IGSF10: variants seen among roughly 807,000 people sequenced by gnomAD.
The protein encoded by IGSF10 is calvaria mechanical force protein 608.
IGSF10 carries 126 observed loss-of-function variants against 128.2 expected under a neutral mutation model. The ratio of observed to expected loss-of-function variants is 0.98; its 90% CI spans 0.85 to 1.14. IGSF10 has a LOEUF of 1.14. Among genes scored for constraint, IGSF10 ranks in the 50% most tolerant of loss-of-function variants. IGSF10 has a pLI of 0.00. For synonymous variants in IGSF10, 1,185 were observed against 1,146.2 expected (o/e 1.03, Z -0.68); for missense variants, 3,295 against 3,149.8 (o/e 1.05, Z -1.10).
At position 151,446,663 on chromosome 3, in the gene IGSF10, G is replaced by A. The variant is rs760102847; in HGVS notation, c.3318C>T (p.Val1106=). The A allele has an allele frequency of 6.2e-7, 1 of 1,613,926 alleles. No homozygotes were observed. Among genetic ancestry groups the A allele is most frequent in the Non-Finnish European group, 8.5e-7 (1 of 1,179,884 alleles). ...TCTCAAGTAGTAATAGTGGATTCTGGACTAGAGTTGTAGACTCTTCTGATG... is the reference window on the plus strand; with the variant it reads ...TCTCAAGTAGTAATAGTGGATTCTGAACTAGAGTTGTAGACTCTTCTGATG... ...RVPSEESTTL[V]QNPLLLLENK... Residue 1106 remains valine (V), a synonymous_variant, in exon 6 of 8, where the codon GTC becomes GTT. Coordinates refer to ENST00000282466, the MANE Select transcript of IGSF10 (RefSeq NM_178822.5).
chr3:151,507,110 C>T, the IGSF10 span, among the ~76,000 whole-genome samples: 1 of 152,170 alleles, frequency 6.6e-6, no homozygotes, highest in East Asian at 1.9e-4. Context: ...TTCTTAGTGC[C>T]TAGACCAGCA....
the IGSF10 span, among the ~76,000 whole-genome samples, chr3:151,501,941 T>C: frequency 6.6e-6 from 1 of 152,126 alleles, no homozygotes; most frequent in Non-Finnish European, 1.5e-5. Context: ...TGTTTCTGTT[T>C]ATTTCTTCTC....
intron 7 of IGSF10, chr3:151,440,748 T>A (rs947805564): frequency 2.1e-4 from 92 of 434,872 alleles, no homozygotes; most frequent in African/African-American, 1.6e-3. Flanking sequence ...TGACTTAATA[T>A]GTGTGCAGCA....
At chr3:151,466,296 G>A in the IGSF10 span, among the ~76,000 whole-genome samples, 1 of 151,946 alleles carries the variant, frequency 6.6e-6, no homozygotes, top group African/African-American at 2.4e-5. Flanking sequence ...TGTAAATGGA[G>A]GTCATGGGTG....
the IGSF10 span, among the ~76,000 whole-genome samples, chr3:151,498,625 C>A: frequency 6.6e-6 from 1 of 152,008 alleles, no homozygotes; most frequent in Non-Finnish European, 1.5e-5. Flanking sequence ...CAATGTATAG[C>A]GAATGCAGTA....
the IGSF10 span, among the ~76,000 whole-genome samples, chr3:151,615,966 T>G: frequency 3.8e-5 from 4 of 105,886 alleles, no homozygotes; most frequent in Admixed American, 4.0e-4. Flanking sequence ...TTTTTGAGGT[T>G]TTTTTTTTTT....
chr3:151,512,876 A>C, the IGSF10 span, among the ~76,000 whole-genome samples: 5 of 152,334 alleles, frequency 3.3e-5, no homozygotes, highest in East Asian at 1.9e-4. Context: ...GAAATGGATA[A>C]ATTCCTCGAC....
At chr3:151,537,196 T>C in the IGSF10 span, among the ~76,000 whole-genome samples, 1 of 152,166 alleles carries the variant, frequency 6.6e-6, no homozygotes, top group Non-Finnish European at 1.5e-5. Flanking sequence ...ATTGTTACTT[T>C]GGCCAATCAG....
At position 151,446,331 on chromosome 3, in the gene IGSF10, C is replaced by T. The variant is rs201637296; in HGVS notation, c.3650G>A (p.Gly1217Asp). The change falls in exon 6 of 8, where the codon GGC (glycine) becomes GAC (aspartate). Residue 1217 changes from glycine to aspartate, a missense_variant. Coordinates refer to ENST00000282466, the MANE Select transcript of IGSF10 (RefSeq NM_178822.5). ...AACTTTATGTTGATTCCTTAATCTGCCTTTTGGGTTATGGTTATTTACAAA... is the reference window on the plus strand; with the variant it reads ...AACTTTATGTTGATTCCTTAATCTGTCTTTTGGGTTATGGTTATTTACAAA... ...QNFVNNHNPK[G>D]RLRNQHKVSL... 34 of 1,613,766 alleles carry T rather than the reference C, an allele frequency of 2.1e-5. No individual in the cohort carries two copies. The highest frequency in any genetic ancestry group is 2.9e-5 in the Non-Finnish European group (34 of 1,179,816).
chr3:151,595,726 GAA>G, the IGSF10 span, among the ~76,000 whole-genome samples: 3 of 119,224 alleles, frequency 2.5e-5, no homozygotes, highest in Admixed American at 8.8e-5. Context: ...TCTGGAATCT[GAA>G]AAAAAAAAAA....
At chr3:151,547,424 A>ATG in the IGSF10 span, among the ~76,000 whole-genome samples, 3 of 81,954 alleles carry the variant, frequency 3.7e-5, no homozygotes, top group African/African-American at 1.1e-4. Context: ...ATATAAATAT[A>ATG]TATATACACA....
the IGSF10 span, among the ~76,000 whole-genome samples, chr3:151,558,387 G>A: frequency 6.6e-6 from 1 of 151,924 alleles, no homozygotes; most frequent in African/African-American, 2.4e-5. Context: ...AGGCTTGATG[G>A]GAATAAATGG....
At chr3:151,469,609 C>G in the IGSF10 span, among the ~76,000 whole-genome samples, 2 of 152,134 alleles carry the variant, frequency 1.3e-5, no homozygotes, top group Non-Finnish European at 2.9e-5. Flanking sequence ...CCCCTGATCT[C>G]TCAAAAATAC....
the IGSF10 span, among the ~76,000 whole-genome samples, chr3:151,487,525 CA>C: frequency 6.6e-6 from 1 of 151,974 alleles, no homozygotes; most frequent in Admixed American, 6.6e-5. Flanking sequence ...AGAGACACAA[CA>C]AAAAAAGAAA....
the IGSF10 span, among the ~76,000 whole-genome samples, chr3:151,472,440 A>T: frequency 6.6e-6 from 1 of 152,214 alleles, no homozygotes; most frequent in African/African-American, 2.4e-5. Context: ...GTTATAAAGC[A>T]GTTAAATAAG....
At chr3:151,494,681 T>C in the IGSF10 span, among the ~76,000 whole-genome samples, 1 of 152,282 alleles carries the variant, frequency 6.6e-6, no homozygotes, top group East Asian at 1.9e-4. Flanking sequence ...TTGAAAATAC[T>C]GAGAAGTTTA....
At chr3:151,592,440 G>C in the IGSF10 span, among the ~76,000 whole-genome samples, 1 of 152,188 alleles carries the variant, frequency 6.6e-6, no homozygotes. Flanking sequence ...ATGTGCATCA[G>C]GTTTGCATCA....
At chr3:151,564,283 T>C in the IGSF10 span, among the ~76,000 whole-genome samples, 10 of 152,162 alleles carry the variant, frequency 6.6e-5, no homozygotes, top group Non-Finnish European at 1.3e-4. Flanking sequence ...ATACTCCTTT[T>C]TTGCATCAGT....
the IGSF10 span, among the ~76,000 whole-genome samples, chr3:151,502,860 G>T: frequency 2.0e-5 from 3 of 152,018 alleles, no homozygotes; most frequent in East Asian, 5.8e-4. Flanking sequence ...AACCAGAAAG[G>T]TGCTTTCGTC....
Sources: gnomAD v4.1 joint callset for allele counts (sites outside exome capture counted in the v4.1 genomes callset) on GRCh38, gnomAD v4.1.1 for gene constraint, MANE v1.5 for transcripts, NCBI Gene and HGNC (gene_info 2026-07-23, HGNC 2026-07-21) for gene names.